Variants in TSHR observed in about 807,000 individuals in gnomAD.
The protein encoded by TSHR is thyroid stimulating hormone receptor.
Under a neutral mutation model 64.1 loss-of-function variants are expected in TSHR, and 51 were observed. That is an observed-to-expected ratio of 0.80 (90% confidence interval 0.64 to 1.01). TSHR has a LOEUF of 1.01. Ranked by LOEUF, TSHR falls within the 50% of genes least tolerant of loss-of-function variation. The pLI, the probability that TSHR is intolerant of heterozygous loss-of-function variation, is 0.00. For missense variants in TSHR, 877 were observed against 942.8 expected, an observed-to-expected ratio of 0.93 and a Z score of 0.91; for synonymous variants, 361 against 361.9, an observed-to-expected ratio of 1.00 and a Z score of 0.03.
At chr14:81,007,629 T>C (rs768995403) in intron 1 of TSHR, among the ~76,000 whole-genome samples, 10 of 152,244 alleles carry the variant, frequency 6.6e-5, no homozygotes, top group Non-Finnish European at 1.0e-4. Context: ...ATCAGGTTTC[T>C]CCACTTTCTC....
chr14:81,088,064 G>C (rs1179381974), intron 4 of TSHR, 36 bp downstream of exon 4: 5 of 1,508,256 alleles, frequency 3.3e-6, no homozygotes, highest in Admixed American at 3.3e-5. Context: ...TACTTTTCTG[G>C]GGGGAGGGGG....
At chr14:81,141,146 G>GCA (rs757810893) in intron 9 of TSHR, among the ~76,000 whole-genome samples, 3 of 151,846 alleles carry the variant, frequency 2.0e-5, no homozygotes, top group South Asian at 2.1e-4. Flanking sequence ...ACAGGCACAT[G>GCA]CACACACACA....
chr14:81,047,238 G>C (rs1410443383), intron 1 of TSHR, among the ~76,000 whole-genome samples: 3 of 152,098 alleles, frequency 2.0e-5, no homozygotes, highest in African/African-American at 4.8e-5. Context: ...TGCAAATCAA[G>C]AATGGGAAGA....
At chr14:81,072,087 T>A (rs566573607) in intron 3 of TSHR, among the ~76,000 whole-genome samples, 36 of 152,222 alleles carry the variant, frequency 2.4e-4, no homozygotes, top group Non-Finnish European at 3.4e-4. Flanking sequence ...TGGTCACCTA[T>A]TATAATGTGC....
chr14:81,102,315 C>T (rs1056025766), intron 7 of TSHR, among the ~76,000 whole-genome samples: 6 of 152,156 alleles, frequency 3.9e-5, no homozygotes, highest in South Asian at 2.1e-4. Flanking sequence ...GCTTAGCTGA[C>T]GGCAGAGATA....
intron 1 of TSHR, among the ~76,000 whole-genome samples, chr14:81,017,583 A>G (rs1883483982): frequency 6.6e-6 from 1 of 152,140 alleles, no homozygotes; most frequent in Non-Finnish European, 1.5e-5. Context: ...CCCAGAAGAC[A>G]CTCTAAACCA....
chr14:81,073,561 C>T (rs1173977685), intron 3 of TSHR, among the ~76,000 whole-genome samples: 1 of 152,056 alleles, frequency 6.6e-6, no homozygotes, highest in African/African-American at 2.4e-5. Flanking sequence ...CTAAATAACT[C>T]TGATTTCTAA....
At chr14:81,137,119 G>A (rs1891486904) in intron 8 of TSHR, among the ~76,000 whole-genome samples, 1 of 152,164 alleles carries the variant, frequency 6.6e-6, no homozygotes, top group Non-Finnish European at 1.5e-5. Flanking sequence ...GAATCACCTG[G>A]AGAGCATCTT....
chr14:80,998,701 G>C (rs1889148569), intron 1 of TSHR, among the ~76,000 whole-genome samples: 1 of 151,878 alleles, frequency 6.6e-6, no homozygotes, highest in African/African-American at 2.4e-5. Context: ...TGACCTCACT[G>C]ACAACTAGAT....
chr14:80,982,693 T>A, intron 1 of TSHR: 1 of 963,140 alleles, frequency 1.0e-6, no homozygotes, highest in Non-Finnish European at 1.5e-6. Flanking sequence ...TCGGATTAGA[T>A]CCCAGGCATC....
intron 1 of TSHR, among the ~76,000 whole-genome samples, chr14:80,964,759 A>T (rs1456684241): frequency 6.6e-6 from 1 of 152,126 alleles, no homozygotes; most frequent in East Asian, 1.9e-4. Context: ...ACTCACTATG[A>T]CTCAATCTTT....
intron 8 of TSHR, among the ~76,000 whole-genome samples, chr14:81,115,991 C>G (rs12323554): frequency 0.067 from 10,221 of 151,808 alleles, 895 homozygotes; most frequent in East Asian, 0.23. Context: ...GAGAGATTTT[C>G]TCACCACCAG....
intron 1 of TSHR, among the ~76,000 whole-genome samples, chr14:81,020,168 A>G (rs1273689898): frequency 6.6e-6 from 1 of 152,204 alleles, no homozygotes; most frequent in African/African-American, 2.4e-5. Flanking sequence ...TTTAACAAAC[A>G]TTGTTGAATG....
intron 1 of TSHR, chr14:81,012,756 T>C (rs1299333742): frequency 6.6e-6 from 1 of 151,404 alleles, no homozygotes; most frequent in Non-Finnish European, 1.5e-5. Context: ...GAAGTGTCTG[T>C]TCATGTCCTT....
rs1229492060 is a variant in TSHR at position 81,088,048 on chromosome 14, C to A, written c.392+20C>A. 6.3e-7 allele frequency: 1 copy of A among 1,588,222 alleles called. No individual in the cohort carries two copies. The highest frequency in any genetic ancestry group is 1.3e-5 in the African/African-American group (1 of 74,434). On this transcript the variant is annotated intron_variant, in intron 4 of 9. Transcript: ENST00000298171. ...GTTCCTGTAAGTATTAAATCCTCTC[C>A]CATCCTACTTTTCTGGGGGGAGGGG... is the stretch of plus-strand genomic sequence containing the variant.
At chr14:81,071,213 A>G (rs1595049664) in intron 3 of TSHR, among the ~76,000 whole-genome samples, 1 of 152,320 alleles carries the variant, frequency 6.6e-6, no homozygotes, top group East Asian at 1.9e-4. Context: ...AATAAAACTA[A>G]TATTTCACAT....
intron 1 of TSHR, chr14:80,982,856 C>A: frequency 2.0e-6 from 1 of 506,886 alleles, no homozygotes; most frequent in Non-Finnish European, 3.6e-6. Flanking sequence ...TGCATCCAGA[C>A]CATAGATGAG....
At chr14:81,112,157 C>A (rs1181853784) in intron 8 of TSHR, among the ~76,000 whole-genome samples, 2 of 152,176 alleles carry the variant, frequency 1.3e-5, no homozygotes, top group African/African-American at 4.8e-5. Flanking sequence ...AGCCCCATCA[C>A]TTACTAACTG....
At chr14:81,026,904 C>T (rs763640670) in intron 1 of TSHR, among the ~76,000 whole-genome samples, 1 of 151,682 alleles carries the variant, frequency 6.6e-6, no homozygotes, top group Non-Finnish European at 1.5e-5. Context: ...GGTGTGGTGG[C>T]GGGCACCTAT....
Sources: allele counts gnomAD v4.1 joint callset (sites outside exome capture counted in the v4.1 genomes callset), GRCh38; gene constraint gnomAD v4.1.1; transcripts MANE v1.5; gene names NCBI Gene and HGNC (gene_info 2026-07-23, HGNC 2026-07-21).